The following LHFPL2 variants were observed in gnomAD, a reference collection of about 807,000 sequenced individuals.
The protein encoded by LHFPL2 is LHFPL tetraspan subfamily member 2 protein.
LHFPL2 carries 7 observed loss-of-function variants against 17.5 expected under a neutral mutation model. That is an observed-to-expected ratio of 0.40 (90% CI 0.23 to 0.75). The LOEUF (loss-of-function observed/expected upper bound fraction) is 0.75, where lower values mean the gene tolerates loss of function less well. Among genes scored for constraint, LHFPL2 ranks in the 30% least tolerant of loss-of-function variants. The pLI is 0.37. For missense variants in LHFPL2, 241 were observed against 294.8 expected, an observed-to-expected ratio of 0.82 and a Z score of 1.34; for synonymous variants, 134 against 116.2, an observed-to-expected ratio of 1.15 and a Z score of -0.99.
intron 3 of LHFPL2, among the ~76,000 whole-genome samples, chr5:78,546,354 T>C (rs1756273930): frequency 6.6e-6 from 1 of 152,140 alleles, no homozygotes. Context: ...ACTAAAACCA[T>C]GAGAGGGACA....
chr5:78,510,375 C>T lies in LHFPL2; in HGVS notation c.-162G>A. ...CATGCTGGGGACAGCGCTCCCGGACCCAGAGCACCGCCTGCGGCCTCACCT... is the reference window on the plus strand; with the variant it reads ...CATGCTGGGGACAGCGCTCCCGGACTCAGAGCACCGCCTGCGGCCTCACCT... On this transcript the variant is annotated 5_prime_UTR_variant, in exon 4 of 5. Transcript: ENST00000380345. The T allele has an allele frequency of 1.4e-6, 1 of 709,524 alleles. No homozygotes were observed. Among genetic ancestry groups the T allele is most frequent in the South Asian group, 2.0e-5 (1 of 49,752 alleles). 44.0% of individuals were successfully genotyped at this position (709,524 alleles called of 1,614,324 possible). A position where few individuals can be genotyped will look rare whatever the true frequency, so the allele number is the denominator to read the frequency against.
intron 2 of LHFPL2, among the ~76,000 whole-genome samples, chr5:78,609,951 C>T (rs754521021): frequency 3.9e-5 from 6 of 152,054 alleles, no homozygotes; most frequent in South Asian, 2.1e-4. Flanking sequence ...AACAGCCTGA[C>T]CTTCAGGCTG....
intron 1 of LHFPL2, among the ~76,000 whole-genome samples, chr5:78,646,736 G>A (rs1430117815): frequency 6.6e-6 from 1 of 152,134 alleles, no homozygotes; most frequent in Non-Finnish European, 1.5e-5. Flanking sequence ...AACACTGGGT[G>A]CCATCAACAC....
chr5:78,593,892 G>A (rs1035560831), intron 2 of LHFPL2, among the ~76,000 whole-genome samples: 1 of 152,216 alleles, frequency 6.6e-6, no homozygotes, highest in African/African-American at 2.4e-5. Flanking sequence ...CCTGCTTGAT[G>A]AGGCAAGAAG....
At chr5:78,629,154 C>A (rs778629349) in intron 2 of LHFPL2, among the ~76,000 whole-genome samples, 2 of 152,198 alleles carry the variant, frequency 1.3e-5, no homozygotes, top group Admixed American at 6.5e-5. Flanking sequence ...CAAAGGACTT[C>A]CTTCTTAAAA....
intron 3 of LHFPL2, among the ~76,000 whole-genome samples, chr5:78,529,106 G>A (rs919641601): frequency 2.0e-5 from 3 of 149,720 alleles, no homozygotes; most frequent in Admixed American, 6.7e-5. Context: ...ACAAGACCAC[G>A]TCTCTGAAAA....
At chr5:78,496,576 A>G (rs946193707) in intron 4 of LHFPL2, among the ~76,000 whole-genome samples, 6 of 152,232 alleles carry the variant, frequency 3.9e-5, no homozygotes, top group African/African-American at 1.4e-4. Context: ...TTGACCCAGC[A>G]CAGCTCACTA....
intron 3 of LHFPL2, among the ~76,000 whole-genome samples, chr5:78,564,174 T>G (rs898281600): frequency 2.0e-5 from 3 of 152,118 alleles, no homozygotes; most frequent in African/African-American, 7.2e-5. Flanking sequence ...GGCTTCTCCC[T>G]TGGGAGAAGC....
intron 4 of LHFPL2, among the ~76,000 whole-genome samples, chr5:78,492,492 T>C (rs1754477865): frequency 6.6e-6 from 1 of 152,202 alleles, no homozygotes. Flanking sequence ...CATCACTTAA[T>C]ACAATCCTTA....
intron 3 of LHFPL2, among the ~76,000 whole-genome samples, chr5:78,554,647 T>A (rs913338949): frequency 1.3e-5 from 2 of 152,182 alleles, no homozygotes; most frequent in Non-Finnish European, 2.9e-5. Flanking sequence ...GGCAGCCCCA[T>A]CATCAGGTAT....
At chr5:78,600,818 T>C (rs1430127654) in intron 2 of LHFPL2, among the ~76,000 whole-genome samples, 2 of 152,158 alleles carry the variant, frequency 1.3e-5, no homozygotes, top group African/African-American at 2.4e-5. Flanking sequence ...CAAAATAGTA[T>C]GAAGGAAGTT....
At chr5:78,609,237 G>C (rs916917235) in intron 2 of LHFPL2, among the ~76,000 whole-genome samples, 3 of 151,948 alleles carry the variant, frequency 2.0e-5, no homozygotes, top group Non-Finnish European at 4.4e-5. Flanking sequence ...GATCACCTGA[G>C]GTCAGGAGTT....
chr5:78,572,484 GTATATATA>G lies in LHFPL2; in HGVS notation c.-244-7621_-244-7614del, dbSNP rs1328748947. Among the ~76,000 whole-genome samples the G allele has an allele frequency of 3.1e-3, 448 of 146,060 alleles. 3 individuals carry two copies. Among genetic ancestry groups the G allele is most frequent in the African/African-American group, 0.011 (428 of 37,778 alleles). On this transcript the variant is annotated intron_variant, in intron 2 of 4. Transcript: ENST00000380345. ...TGTATATACATGTGTATATATATGT[GTATATATA>G]TGTGTGTATATATATATATACACAC...
intron 1 of LHFPL2, among the ~76,000 whole-genome samples, chr5:78,643,143 A>G (rs1294297044): frequency 1.3e-5 from 2 of 152,236 alleles, no homozygotes; most frequent in African/African-American, 2.4e-5. Context: ...GGTACTTCCC[A>G]GCACAACCTT....
At chr5:78,598,213 G>A (rs571096959) in intron 2 of LHFPL2, among the ~76,000 whole-genome samples, 8 of 152,288 alleles carry the variant, frequency 5.3e-5, no homozygotes, top group African/African-American at 1.9e-4. Flanking sequence ...CAAACTACTA[G>A]TTCAAGTTAA....
chr5:78,587,548 C>T (rs1387628655), intron 2 of LHFPL2, among the ~76,000 whole-genome samples: 1 of 152,204 alleles, frequency 6.6e-6, no homozygotes, highest in Non-Finnish European at 1.5e-5. Flanking sequence ...GATAACTGTG[C>T]TTGAAACTTA....
At chr5:78,559,323 G>A (rs1246655549) in intron 3 of LHFPL2, among the ~76,000 whole-genome samples, 1 of 152,096 alleles carries the variant, frequency 6.6e-6, no homozygotes, top group African/African-American at 2.4e-5. Flanking sequence ...TATGTATCAG[G>A]CACTGTGCTG....
intron 4 of LHFPL2, among the ~76,000 whole-genome samples, chr5:78,491,718 A>G (rs1754451373): frequency 1.3e-5 from 2 of 152,142 alleles, no homozygotes; most frequent in African/African-American, 2.4e-5. Context: ...GGACTAATCC[A>G]TCACTCATAG....
At chr5:78,599,134 C>T (rs528885952) in intron 2 of LHFPL2, among the ~76,000 whole-genome samples, 2 of 152,184 alleles carry the variant, frequency 1.3e-5, no homozygotes, top group South Asian at 2.1e-4. Context: ...TTGGCTCAGC[C>T]GTACTGTTTT....
Sources: allele counts gnomAD v4.1 joint callset (sites outside exome capture counted in the v4.1 genomes callset), GRCh38; gene constraint gnomAD v4.1.1; transcripts MANE v1.5; gene names NCBI Gene and HGNC (gene_info 2026-07-23, HGNC 2026-07-21).